The following KATNIP variants were observed in gnomAD, a reference collection of about 807,000 sequenced individuals.
KATNIP encodes the protein katanin-interacting protein.
A neutral mutation model predicts 174.0 loss-of-function variants in KATNIP; 126 were observed. That is an observed-to-expected ratio of 0.72 (90% CI 0.63 to 0.84). The LOEUF is 0.84. Among genes scored for constraint, KATNIP ranks in the 40% least tolerant of loss-of-function variants. The pLI, the probability that KATNIP is intolerant of heterozygous loss-of-function variation, is 0.00. For synonymous variants in KATNIP, 810 were observed against 835.7 expected, an observed-to-expected ratio of 0.97 and a Z score of 0.53; for missense variants, 1,958 against 2,109.7, an observed-to-expected ratio of 0.93 and a Z score of 1.41.
intron 2 of KATNIP, among the ~76,000 whole-genome samples, chr16:27,578,121 A>G (rs545341309): frequency 1.3e-5 from 2 of 152,166 alleles, no homozygotes; most frequent in African/African-American, 4.8e-5. Flanking sequence ...AGTGGTTCCA[A>G]TGTGCAGCCA....
chr16:27,641,269 C>T (rs2076786736), intron 5 of KATNIP, among the ~76,000 whole-genome samples: 1 of 152,092 alleles, frequency 6.6e-6, no homozygotes, highest in Non-Finnish European at 1.5e-5. Flanking sequence ...AGTTCAGGCA[C>T]GTTTGGGTCC....
chr16:27,575,277 A>G (rs2090457837), intron 2 of KATNIP, among the ~76,000 whole-genome samples: 1 of 152,248 alleles, frequency 6.6e-6, no homozygotes, highest in Non-Finnish European at 1.5e-5. Context: ...AGGAATCAGT[A>G]CAGTCAAAGT....
chr16:27,697,783 A>G (rs1326193260), intron 8 of KATNIP, among the ~76,000 whole-genome samples: 1 of 151,562 alleles, frequency 6.6e-6, no homozygotes, highest in Admixed American at 6.6e-5. Flanking sequence ...TTACCCCTGA[A>G]CTGTGTTTGT....
At chr16:27,633,408 T>C (rs1397657450) in intron 5 of KATNIP, among the ~76,000 whole-genome samples, 1 of 144,640 alleles carries the variant, frequency 6.9e-6, no homozygotes, top group Non-Finnish European at 1.6e-5. Context: ...TATTTTTTAT[T>C]TTTTTATATA....
chr16:27,629,380 T>C (rs1278063512), intron 4 of KATNIP, among the ~76,000 whole-genome samples: 1 of 152,240 alleles, frequency 6.6e-6, no homozygotes, highest in Non-Finnish European at 1.5e-5. Context: ...TTCCTGGGTC[T>C]TAAGTCAGTA....
At chr16:27,718,141 C>T (rs984584129) in intron 13 of KATNIP, 2 of 152,262 alleles carry the variant, frequency 1.3e-5, no homozygotes, top group Admixed American at 1.3e-4. Context: ...GGCTCGGATC[C>T]TCACTCCACC....
chr16:27,701,609 G>C lies in KATNIP; in HGVS notation c.1200G>C (p.Ala400=), dbSNP rs149475253. 1 of 1,600,342 alleles carries C rather than the reference G, an allele frequency of 6.2e-7. No homozygotes were observed. The highest frequency in any genetic ancestry group is 1.1e-5 in the South Asian group (1 of 87,780). ...ETLELLPITT[A]TTTQEPAGAA... is the part of the protein sequence containing the mutation. ...CTCAGCTGCTTCCCATCACCACGGCGACTACTACTCAGGAGCCGGCCGGGG... is the reference window on the plus strand; with the variant it reads ...CTCAGCTGCTTCCCATCACCACGGCCACTACTACTCAGGAGCCGGCCGGGG... Residue 400 remains alanine, a synonymous_variant, in exon 11 of 28, where the codon GCG becomes GCC. Coordinates refer to ENST00000261588, the MANE Select transcript of KATNIP (RefSeq NM_015202.5).
In KATNIP at chr16:27,749,579, T is replaced by A; in HGVS notation, c.2624-5T>A. On this transcript the variant is annotated splice_region_variant and splice_polypyrimidine_tract_variant and intron_variant, in intron 15 of 27. Transcript: ENST00000261588. ...GCTTCCCCCCTCTTGTGTCCTTTCTTCCAGAAGACACCTGGTCTTCCAGGA... is the reference window on the plus strand; with the variant it reads ...GCTTCCCCCCTCTTGTGTCCTTTCTACCAGAAGACACCTGGTCTTCCAGGA... The A allele has an allele frequency of 1.3e-6, 2 of 1,525,702 alleles. No individual in the cohort carries two copies. The highest frequency in any genetic ancestry group is 2.6e-5 in the South Asian group (2 of 76,040). 94.5% of individuals were successfully genotyped at this position (1,525,702 alleles called of 1,614,324 possible). A position where few individuals can be genotyped will look rare whatever the true frequency, so the allele number is the denominator to read the frequency against.
chr16:27,655,179 T>TAG (rs1555465964), intron 6 of KATNIP, among the ~76,000 whole-genome samples: 22 of 684 alleles, frequency 0.032, no homozygotes, highest in Non-Finnish European at 0.051. Context: ...CTAGAATGGA[T>TAG]ATATATATAT....
chr16:27,636,068 C>T (rs72788521), intron 5 of KATNIP, among the ~76,000 whole-genome samples: 1,986 of 152,214 alleles, frequency 0.013, 13 homozygotes, highest in Non-Finnish European at 0.02. Flanking sequence ...CAGTTAGGAT[C>T]GCTTGAAGCC....
intron 1 of KATNIP, among the ~76,000 whole-genome samples, chr16:27,573,378 A>G (rs2090375462): frequency 6.6e-6 from 1 of 152,242 alleles, no homozygotes; most frequent in South Asian, 2.1e-4. Flanking sequence ...TTAGTCTTCT[A>G]GCTCCCCCAG....
At chr16:27,675,641 T>G (rs2078086954) in intron 6 of KATNIP, among the ~76,000 whole-genome samples, 1 of 152,150 alleles carries the variant, frequency 6.6e-6, no homozygotes, top group Non-Finnish European at 1.5e-5. Flanking sequence ...GATGAGCCAT[T>G]TCATCAGCCA....
At chr16:27,709,321 T>TAAAA (rs544654938) in intron 13 of KATNIP, among the ~76,000 whole-genome samples, 1 of 120,288 alleles carries the variant, frequency 8.3e-6, no homozygotes, top group African/African-American at 3.1e-5. Flanking sequence ...ACCCTGTCTC[T>TAAAA]AAAAAAAAAA....
rs367915880 is a variant in KATNIP at position 27,660,636 on chromosome 16, C to CTT, written c.540+11916_540+11917dup. 1.7e-3 allele frequency among the ~76,000 whole-genome samples: 238 copies of CTT among 142,240 alleles called. 1 individual carries two copies. The East Asian group carries it at 0.02, about 12-fold the overall frequency. The allele number at this position is 142,240 out of a possible 152,430, so 93.3% of individuals were successfully genotyped here. On this transcript the variant is annotated intron_variant, in intron 6 of 27. Coordinates refer to ENST00000261588, the MANE Select transcript of KATNIP (RefSeq NM_015202.5). ...TGTGGAGCTCTGGCTCATATCAGTA[C>CTT]TTTTTTTTTTTTTTTTAAGAGATGG...
intron 3 of KATNIP, 91 bp from the exon 4 acceptor site, chr16:27,628,570 C>A (rs912735233): frequency 7.3e-7 from 1 of 1,363,590 alleles, no homozygotes; most frequent in South Asian, 1.3e-5. Context: ...AGACGCTTCA[C>A]TGTGGGAACA....
At chr16:27,726,218 A>C (rs1487832893) in intron 14 of KATNIP, among the ~76,000 whole-genome samples, 1 of 152,186 alleles carries the variant, frequency 6.6e-6, no homozygotes. Flanking sequence ...TCTGAGATGA[A>C]ACAGTTTCAT....
intron 20 of KATNIP, among the ~76,000 whole-genome samples, chr16:27,767,113 TGCCCTCCA>T (rs1187297665): frequency 1.3e-5 from 2 of 151,554 alleles, no homozygotes; most frequent in Non-Finnish European, 2.9e-5. Context: ...ACTGAATGGG[TGCCCTCCA>T]GTCATGTAAA....
intron 2 of KATNIP, among the ~76,000 whole-genome samples, chr16:27,581,649 G>A (rs55784628): frequency 6.6e-6 from 1 of 152,286 alleles, no homozygotes; most frequent in South Asian, 2.1e-4. Context: ...AAATGAATAA[G>A]TTGTTTAGTG....
intron 2 of KATNIP, among the ~76,000 whole-genome samples, chr16:27,591,724 C>T (rs546203852): frequency 6.6e-6 from 1 of 152,296 alleles, no homozygotes; most frequent in Admixed American, 6.5e-5. Context: ...CTGTCTTAGT[C>T]TGAGCAAATA....
Sources: allele counts gnomAD v4.1 joint callset (sites outside exome capture counted in the v4.1 genomes callset), GRCh38; gene constraint gnomAD v4.1.1; transcripts MANE v1.5; gene names NCBI Gene and HGNC (gene_info 2026-07-23, HGNC 2026-07-21).